NOL10: variants seen among roughly 807,000 people sequenced by gnomAD.
NOL10 encodes H_NH0074G24.1.
NOL10 carries 58 observed loss-of-function variants against 103.5 expected under a neutral mutation model. The observed-to-expected ratio is 0.56, with a 90% CI of 0.45 to 0.70. NOL10 has a LOEUF of 0.70. Among genes scored for constraint, NOL10 ranks in the 30% least tolerant of loss-of-function variants. The probability of loss-of-function intolerance (pLI) is 0.00; values close to 1 mark genes in which losing one functional copy is unlikely to be tolerated. For missense variants in NOL10, 763 were observed against 807.3 expected, an observed-to-expected ratio of 0.95 and a Z score of 0.67; for synonymous variants, 287 against 282.5, an observed-to-expected ratio of 1.02 and a Z score of -0.16.
At chr2:10,664,284 T>C (rs1456868340) in intron 8 of NOL10, among the ~76,000 whole-genome samples, 3 of 151,404 alleles carry the variant, frequency 2.0e-5, no homozygotes, top group Admixed American at 6.6e-5. Flanking sequence ...CAAAATTAGC[T>C]GGGCATGGTG....
chr2:10,653,679 C>T (rs895776911), intron 12 of NOL10, among the ~76,000 whole-genome samples: 1 of 152,102 alleles, frequency 6.6e-6, no homozygotes, highest in Non-Finnish European at 1.5e-5. Context: ...CCTCTGTGCC[C>T]ATCCTTTTTG....
intron 12 of NOL10, among the ~76,000 whole-genome samples, chr2:10,648,937 T>C (rs770668565): frequency 2.0e-5 from 3 of 151,710 alleles, no homozygotes; most frequent in Non-Finnish European, 4.4e-5. Context: ...CTCAGTTATA[T>C]CCTGGTTCAA....
intron 19 of NOL10, among the ~76,000 whole-genome samples, chr2:10,580,139 C>T (rs1433684776): frequency 2.6e-5 from 4 of 152,194 alleles, no homozygotes; most frequent in African/African-American, 4.8e-5. Context: ...TTACTGAAAG[C>T]GTTTGCTAAC....
At chr2:10,635,915 A>C (rs1249526130) in intron 13 of NOL10, among the ~76,000 whole-genome samples, 1 of 152,156 alleles carries the variant, frequency 6.6e-6, no homozygotes, top group Non-Finnish European at 1.5e-5. Context: ...TTTTTAAGAG[A>C]GTCTGTGTCA....
chr2:10,689,362 TC>T (rs1352372559), intron 1 of NOL10, among the ~76,000 whole-genome samples: 2 of 152,180 alleles, frequency 1.3e-5, no homozygotes, highest in Non-Finnish European at 2.9e-5. Context: ...AGTCTGTATC[TC>T]CCTTGTTCAC....
chr2:10,686,353 T>G (rs948524483), intron 1 of NOL10, among the ~76,000 whole-genome samples: 1 of 151,038 alleles, frequency 6.6e-6, no homozygotes, highest in Admixed American at 6.6e-5. Flanking sequence ...ACGGCAGGAG[T>G]GTGCCTGGTC....
chr2:10,597,239 A>C (rs558666209), intron 17 of NOL10, among the ~76,000 whole-genome samples: 1 of 152,304 alleles, frequency 6.6e-6, no homozygotes, highest in African/African-American at 2.4e-5. Flanking sequence ...TTTTAGGTTC[A>C]ATATCAACCA....
chr2:10,630,190 A>G (rs1677740831), intron 13 of NOL10, among the ~76,000 whole-genome samples: 1 of 152,252 alleles, frequency 6.6e-6, no homozygotes, highest in Admixed American at 6.5e-5. Context: ...CTGAATGAGT[A>G]TATCCATTCT....
At chr2:10,620,457 T>C (rs1248135119) in intron 13 of NOL10, among the ~76,000 whole-genome samples, 1 of 152,202 alleles carries the variant, frequency 6.6e-6, no homozygotes, top group Non-Finnish European at 1.5e-5. Flanking sequence ...CCGATTATCT[T>C]GGGGAGGCGG....
intron 8 of NOL10, among the ~76,000 whole-genome samples, chr2:10,664,539 G>A (rs1462022127): frequency 6.6e-6 from 1 of 152,180 alleles, no homozygotes; most frequent in African/African-American, 2.4e-5. Context: ...TTTTAAATGA[G>A]GGGTCGTTGT....
At chr2:10,669,173 G>A (rs866326921) in intron 6 of NOL10, among the ~76,000 whole-genome samples, 1 of 151,440 alleles carries the variant, frequency 6.6e-6, no homozygotes. Context: ...GCTCACGGGC[G>A]CCACTCACTA....
At chr2:10,666,675 T>C (rs1303118311) in intron 8 of NOL10, among the ~76,000 whole-genome samples, 1 of 144,740 alleles carries the variant, frequency 6.9e-6, no homozygotes, top group Non-Finnish European at 1.5e-5. Flanking sequence ...TAAGTACCAA[T>C]AAGATGTATA....
chr2:10,632,086 C>T (rs146609106), intron 13 of NOL10, among the ~76,000 whole-genome samples: 135 of 152,296 alleles, frequency 8.9e-4, no homozygotes, highest in African/African-American at 3.1e-3. Flanking sequence ...TCAAAGTACA[C>T]AACCATTATC....
Position 10,620,496 on chromosome 2 carries a change from A to G in NOL10, c.1027-13185T>C, listed in dbSNP as rs191618454. Among the ~76,000 whole-genome samples, 17 of 152,330 alleles carry G rather than the reference A, an allele frequency of 1.1e-4. No homozygotes were observed. The East Asian group carries it at 3.1e-3, about 28-fold the overall frequency. On this transcript the variant is annotated intron_variant, in intron 13 of 20. Transcript: ENST00000381685. Reference sequence around the variant, plus strand: ...TGCACGGAACTAGGAAATCCTGAAGAACGTATTTTAAATTCATACAAAATA... The same window carrying G: ...TGCACGGAACTAGGAAATCCTGAAGGACGTATTTTAAATTCATACAAAATA...
In NOL10 at chr2:10,600,895, T is replaced by C. The variant is rs1411289709; in HGVS notation, c.1380A>G (p.Glu460=). 3.9e-6 allele frequency: 6 copies of C among 1,557,752 alleles called. No homozygotes were observed. Among genetic ancestry groups the C allele is most frequent in the African/African-American group, 1.4e-5 (1 of 73,658 alleles). ...NKELALKLIE[E]EEEKQKSTWK... is the part of the protein sequence containing the mutation. The stretch of plus-strand genomic sequence containing the variant: ...ATGTAGATTTCTGCTTCTCCTCTTC[T>C]TCCTCAATTAATTTAAGTGCCAGCT... Residue 460 remains glutamate, a synonymous_variant, in exon 17 of 21, where the codon GAA becomes GAG. Transcript: ENST00000381685.
intron 8 of NOL10, among the ~76,000 whole-genome samples, chr2:10,665,437 A>C (rs1284179743): frequency 1.3e-5 from 2 of 152,226 alleles, no homozygotes; most frequent in African/African-American, 4.8e-5. Context: ...CTAAGAACTA[A>C]AGAAGAAACT....
intron 13 of NOL10, chr2:10,634,579 G>A (rs772785161): frequency 8.8e-6 from 4 of 456,682 alleles, no homozygotes; most frequent in South Asian, 6.2e-5. Flanking sequence ...AAAATTGGAC[G>A]TCATTAACAC....
chr2:10,605,859 C>T (rs1407996938), intron 14 of NOL10, among the ~76,000 whole-genome samples: 2 of 152,204 alleles, frequency 1.3e-5, no homozygotes, highest in East Asian at 1.9e-4. Context: ...AAAGTAATTC[C>T]GCCTGGATTA....
chr2:10,638,400 T>C (rs201132145), intron 13 of NOL10, among the ~76,000 whole-genome samples: 1 of 108,684 alleles, frequency 9.2e-6, no homozygotes, highest in South Asian at 2.6e-4. Context: ...GGGTGCAGTA[T>C]TTATTCTTTA....
Sources: gnomAD v4.1 joint callset for allele counts (sites outside exome capture counted in the v4.1 genomes callset) on GRCh38, gnomAD v4.1.1 for gene constraint, MANE v1.5 for transcripts, NCBI Gene and HGNC (gene_info 2026-07-23, HGNC 2026-07-21) for gene names.